The following L3MBTL4 variants were observed in gnomAD, a reference collection of about 807,000 sequenced individuals.
The protein encoded by L3MBTL4 is lethal(3)malignant brain tumor-like protein 4.
In L3MBTL4, 70 loss-of-function variants were observed where a neutral mutation model predicts 84.5. The observed-to-expected ratio is 0.83, with a 90% CI of 0.68 to 1.01. L3MBTL4 has a LOEUF of 1.01. Among genes scored for constraint, L3MBTL4 ranks in the 50% least tolerant of loss-of-function variants. The pLI is 0.00. For missense variants in L3MBTL4, 715 were observed against 754.8 expected, an observed-to-expected ratio of 0.95 and a Z score of 0.62; for synonymous variants, 274 against 259.8, an observed-to-expected ratio of 1.05 and a Z score of -0.52.
chr18:6,149,638 T>C (rs2042806016), intron 13 of L3MBTL4, among the ~76,000 whole-genome samples: 1 of 152,178 alleles, frequency 6.6e-6, no homozygotes, highest in Non-Finnish European at 1.5e-5. Context: ...ACTTCCACAA[T>C]GGTTGAACTA....
chr18:6,041,450 G>T (rs1157183717), intron 16 of L3MBTL4, among the ~76,000 whole-genome samples: 1 of 149,018 alleles, frequency 6.7e-6, no homozygotes, highest in African/African-American at 2.5e-5. Flanking sequence ...CTTCAGCTTA[G>T]GCTGAAATTG....
intron 14 of L3MBTL4, among the ~76,000 whole-genome samples, chr18:6,127,834 G>C (rs2059744998): frequency 6.6e-6 from 1 of 151,992 alleles, no homozygotes; most frequent in Non-Finnish European, 1.5e-5. Flanking sequence ...AGTGTGCCTG[G>C]GCCCTGCCAG....
At chr18:6,101,282 C>T (rs2058815986) in intron 14 of L3MBTL4, among the ~76,000 whole-genome samples, 1 of 152,168 alleles carries the variant, frequency 6.6e-6, no homozygotes, top group Non-Finnish European at 1.5e-5. Flanking sequence ...TTCCCTGGGT[C>T]TCCAGGTCCC....
Position 6,029,812 on chromosome 18 carries a change from A to G in L3MBTL4, c.1444+51069T>C, listed in dbSNP as rs1447637688. 6.1e-6 allele frequency: 6 copies of G among 985,342 alleles called. No homozygotes were observed. In the South Asian group the frequency reaches 1.4e-4, roughly 23 times the overall value. The allele number at this position is 985,342 out of a possible 1,614,324, so 61.0% of individuals were successfully genotyped here. A position where few individuals can be genotyped will look rare whatever the true frequency, so the allele number is the denominator to read the frequency against. On this transcript the variant is annotated intron_variant, in intron 16 of 18. Transcript: ENST00000317931. Reference sequence around the variant, plus strand: ...TATTAAAGTTCATTTGGAAAAATGAACGAGTAAGGGTAGCTGAGGAAATGC... The same window carrying G: ...TATTAAAGTTCATTTGGAAAAATGAGCGAGTAAGGGTAGCTGAGGAAATGC...
At chr18:6,183,619 A>C (rs184717024) in intron 12 of L3MBTL4, among the ~76,000 whole-genome samples, 51 of 152,364 alleles carry the variant, frequency 3.3e-4, no homozygotes, top group African/African-American at 1.2e-3. Flanking sequence ...CACTGTTTAC[A>C]ATAAAGAAGA....
chr18:6,167,198 C>T (rs1446243256), intron 13 of L3MBTL4, among the ~76,000 whole-genome samples: 2 of 152,054 alleles, frequency 1.3e-5, no homozygotes, highest in Non-Finnish European at 2.9e-5. Flanking sequence ...GCTTACCAAC[C>T]AAAAAGAGTC....
intron 16 of L3MBTL4, among the ~76,000 whole-genome samples, chr18:5,998,596 A>T (rs2145230403): frequency 6.6e-6 from 1 of 152,278 alleles, no homozygotes; most frequent in East Asian, 1.9e-4. Flanking sequence ...TGAGGCAAAG[A>T]AAGGGCATTT....
chr18:6,002,693 T>C (rs977043245), intron 16 of L3MBTL4, among the ~76,000 whole-genome samples: 1 of 151,754 alleles, frequency 6.6e-6, no homozygotes, highest in African/African-American at 2.4e-5. Context: ...ACAGAGTATA[T>C]ACAAAAAGAA....
intron 15 of L3MBTL4, among the ~76,000 whole-genome samples, chr18:6,091,887 G>C (rs2058471163): frequency 6.6e-6 from 1 of 152,136 alleles, no homozygotes; most frequent in Non-Finnish European, 1.5e-5. Flanking sequence ...TGGTCTCTAT[G>C]ATTCTGGAAT....
chr18:6,161,822 T>G lies in L3MBTL4; in HGVS notation c.1096+10006A>C, dbSNP rs142740432. On this transcript the variant is annotated intron_variant, in intron 13 of 18. Transcript: ENST00000317931. Reference sequence around the variant, plus strand: ...GCAATCTAGATTTCATTTTTACTCATCCATGGGCAGCTGTGTGATTTTATT... The same window carrying G: ...GCAATCTAGATTTCATTTTTACTCAGCCATGGGCAGCTGTGTGATTTTATT... Among the ~76,000 whole-genome samples, 239 of 152,206 alleles carry G rather than the reference T, an allele frequency of 1.6e-3. 1 individual carries two copies. Among genetic ancestry groups the G allele is most frequent in the Middle Eastern group, 0.01 (3 of 294 alleles).
intron 1 of L3MBTL4, among the ~76,000 whole-genome samples, chr18:6,386,780 G>A (rs1183033434): frequency 6.6e-6 from 1 of 152,178 alleles, no homozygotes; most frequent in Non-Finnish European, 1.5e-5. Flanking sequence ...CAAGAGATGA[G>A]ACCAGAAAGG....
intron 13 of L3MBTL4, among the ~76,000 whole-genome samples, chr18:6,163,909 G>A (rs912314073): frequency 2.0e-5 from 3 of 152,208 alleles, no homozygotes; most frequent in Non-Finnish European, 2.9e-5. Context: ...AGCACAAGGG[G>A]TCAGGGAATT....
chr18:6,403,785 C>A (rs1422503285), intron 1 of L3MBTL4, among the ~76,000 whole-genome samples: 1 of 152,204 alleles, frequency 6.6e-6, no homozygotes, highest in African/African-American at 2.4e-5. Context: ...TAAGACAAAG[C>A]CACATGCACA....
intron 1 of L3MBTL4, among the ~76,000 whole-genome samples, chr18:6,373,510 C>T (rs2054244821): frequency 6.6e-6 from 1 of 152,148 alleles, no homozygotes. Flanking sequence ...CTATTCCTAT[C>T]TGCCCTGCAC....
intron 1 of L3MBTL4, among the ~76,000 whole-genome samples, chr18:6,346,124 A>G (rs939243218): frequency 6.8e-6 from 1 of 147,604 alleles, no homozygotes. Flanking sequence ...ATATATATAT[A>G]TATATATATG....
At chr18:5,958,978 G>T (rs12606943) in intron 18 of L3MBTL4, among the ~76,000 whole-genome samples, 8,554 of 152,156 alleles carry the variant, frequency 0.056, 454 homozygotes, top group East Asian at 0.22. Context: ...TGTGAACGTG[G>T]CCAACTATGC....
rs7235680 is a variant in L3MBTL4, at chr18:5,991,164, G to A, written c.1445-21602C>T. 6.1e-3 allele frequency among the ~76,000 whole-genome samples: 929 copies of A among 152,202 alleles called. 13 individuals are homozygous for A. The highest frequency in any genetic ancestry group is 0.021 in the African/African-American group (891 of 41,522). The stretch of plus-strand genomic sequence containing the variant: ...ATGGCACTTCCACAGACAGGCCCAT[G>A]CTGACCCTCAAATATAATTGAGGTT... On this transcript the variant is annotated intron_variant, in intron 16 of 18. Transcript: ENST00000317931.
At chr18:5,965,563 C>A (rs539755600) in intron 17 of L3MBTL4, among the ~76,000 whole-genome samples, 23 of 152,284 alleles carry the variant, frequency 1.5e-4, no homozygotes, top group African/African-American at 5.3e-4. Context: ...TCATTGCTGC[C>A]CTGCTCGTCA....
At chr18:6,005,062 A>G (rs2054409646) in intron 16 of L3MBTL4, among the ~76,000 whole-genome samples, 1 of 113,404 alleles carries the variant, frequency 8.8e-6, no homozygotes, top group Non-Finnish European at 1.6e-5. Flanking sequence ...TGGGTTTGTC[A>G]GCTGGGCACA....
Sources: allele counts gnomAD v4.1 joint callset (sites outside exome capture counted in the v4.1 genomes callset), GRCh38; gene constraint gnomAD v4.1.1; transcripts MANE v1.5; gene names NCBI Gene and HGNC (gene_info 2026-07-23, HGNC 2026-07-21).